The following UBXN7 variants were observed in gnomAD, a reference collection of about 807,000 sequenced individuals.
UBXN7 encodes UBX domain-containing protein 7.
A neutral mutation model predicts 58.0 loss-of-function variants in UBXN7; 9 were observed. That is an observed-to-expected ratio of 0.16 (90% CI 0.09 to 0.27). UBXN7 has a LOEUF of 0.27. Ranked by LOEUF, UBXN7 falls within the 10% of genes least tolerant of loss-of-function variation. The probability of loss-of-function intolerance (pLI) is 1.00; values close to 1 mark genes in which losing one functional copy is unlikely to be tolerated. For missense variants in UBXN7, 328 were observed against 599.6 expected, an observed-to-expected ratio of 0.55 and a Z score of 4.73; for synonymous variants, 208 against 205.0, an observed-to-expected ratio of 1.01 and a Z score of -0.12.
At chr3:196,358,949 C>A (rs1728430062) in intron 10 of UBXN7, among the ~76,000 whole-genome samples, 1 of 151,974 alleles carries the variant, frequency 6.6e-6, no homozygotes, top group Non-Finnish European at 1.5e-5. Context: ...GAGTGAGCCA[C>A]TGCACCTGGC....
chr3:196,416,437 A>T (rs969893759), intron 1 of UBXN7, among the ~76,000 whole-genome samples: 3 of 148,998 alleles, frequency 2.0e-5, no homozygotes, highest in African/African-American at 7.4e-5. Context: ...TCTCAAAAAT[A>T]AAAAAAAAAG....
At chr3:196,380,092 T>C (rs561395735) in intron 5 of UBXN7, among the ~76,000 whole-genome samples, 1 of 151,788 alleles carries the variant, frequency 6.6e-6, no homozygotes, top group Admixed American at 6.6e-5. Flanking sequence ...TATTAAAAAA[T>C]ACAAAAAATC....
chr3:196,356,507 G>C lies in UBXN7; in HGVS notation c.*178C>G. The C allele has an allele frequency of 4.8e-6, 3 of 625,888 alleles. No individual in the cohort carries two copies. Among genetic ancestry groups the C allele is most frequent in the East Asian group, 3.3e-5 (1 of 30,764 alleles). The allele number at this position is 625,888 out of a possible 1,614,324, so 38.8% of individuals were successfully genotyped here. On this transcript the variant is annotated 3_prime_UTR_variant, in exon 11 of 11. Transcript: ENST00000296328. ...GAGCGAGAAAACAGAAGAGGAGAAA[G>C]AAACAAAGGGGGAGAAAGAGACTGA...
intron 8 of UBXN7, among the ~76,000 whole-genome samples, chr3:196,366,063 C>CA (rs1728655941): frequency 6.6e-6 from 1 of 152,020 alleles, no homozygotes; most frequent in Non-Finnish European, 1.5e-5. Context: ...AAAATGCTCT[C>CA]AAAAAAACTA....
rs1553847953 is a variant in UBXN7, at chr3:196,353,484, C to CA, written c.*3200_*3201insT. On this transcript the variant is annotated 3_prime_UTR_variant, in exon 11 of 11. Coordinates refer to ENST00000296328, the MANE Select transcript of UBXN7 (RefSeq NM_015562.2). ...TTTTCCCACTAGTTTTCTTCTTCTT[C>CA]TTCTTTTTTTTTTTTAAATTTGAGA... 6.9e-6 allele frequency: 1 copy of CA among 145,858 alleles called. No homozygotes were observed. The highest frequency in any genetic ancestry group is 1.5e-5 in the Non-Finnish European group (1 of 66,302). 9.0% of individuals were successfully genotyped at this position (145,858 alleles called of 1,614,324 possible). A position where few individuals can be genotyped will look rare whatever the true frequency, so the allele number is the denominator to read the frequency against.
chr3:196,430,239 C>CAGCT (rs1730983850), intron 1 of UBXN7, among the ~76,000 whole-genome samples: 1 of 151,814 alleles, frequency 6.6e-6, no homozygotes, highest in African/African-American at 2.4e-5. Flanking sequence ...CTTGTAGTCC[C>CAGCT]AGCTACTCGG....
intron 10 of UBXN7, among the ~76,000 whole-genome samples, chr3:196,360,474 GTGT>G (rs1728478018): frequency 6.6e-6 from 1 of 152,116 alleles, no homozygotes; most frequent in Non-Finnish European, 1.5e-5. Flanking sequence ...TACTCTGTCT[GTGT>G]TCTGTAACTG....
chr3:196,401,800 G>GAAAGAAAGA (rs1729995947), intron 3 of UBXN7, among the ~76,000 whole-genome samples: 1 of 138,170 alleles, frequency 7.2e-6, no homozygotes, highest in Non-Finnish European at 1.6e-5. Flanking sequence ...GTAAAGAAAG[G>GAAAGAAAGA]AAAGAAAGAA....
intron 3 of UBXN7, among the ~76,000 whole-genome samples, chr3:196,401,767 TTAA>T (rs769662743): frequency 1.2e-5 from 1 of 82,032 alleles, no homozygotes; most frequent in Non-Finnish European, 2.6e-5. Flanking sequence ...CATCTCTATT[TTAA>T]AAAAAAAAAA....
At chr3:196,380,856 G>A (rs1466984327) in intron 5 of UBXN7, among the ~76,000 whole-genome samples, 2 of 152,230 alleles carry the variant, frequency 1.3e-5, no homozygotes, top group African/African-American at 2.4e-5. Flanking sequence ...CAGGTCCCAC[G>A]CCCATGGAGC....
intron 4 of UBXN7, among the ~76,000 whole-genome samples, chr3:196,393,130 A>G (rs1352702233): frequency 1.3e-5 from 2 of 152,244 alleles, no homozygotes; most frequent in East Asian, 1.9e-4. Flanking sequence ...AATATTTCAA[A>G]TAACTGTAGC....
intron 1 of UBXN7, chr3:196,431,887 G>A: frequency 2.8e-6 from 1 of 360,744 alleles, no homozygotes; most frequent in Non-Finnish European, 5.5e-6. Context: ...GGGGCAGAAT[G>A]ACCTGGCCGG....
In UBXN7 at chr3:196,370,397, G is replaced by A. The variant is rs773763615; in HGVS notation, c.616-886C>T. ...GCCTATAGGGGTTAGAGCCTGCAGT[G>A]AGCTATGACTGCACCACTGTGTTCC... On this transcript the variant is annotated intron_variant, in intron 6 of 10. Coordinates refer to ENST00000296328, the MANE Select transcript of UBXN7 (RefSeq NM_015562.2). Among the ~76,000 whole-genome samples, 10 of 151,078 alleles carry A rather than the reference G, an allele frequency of 6.6e-5. 1 individual carries two copies. The highest frequency in any genetic ancestry group is 1.5e-4 in the Non-Finnish European group (10 of 67,854).
chr3:196,417,835 G>C (rs1483537304), intron 1 of UBXN7, among the ~76,000 whole-genome samples: 4 of 150,846 alleles, frequency 2.7e-5, no homozygotes, highest in Non-Finnish European at 5.9e-5. Flanking sequence ...TGAGGTGGAA[G>C]GATTGCTTAA....
rs947783589 is a variant in UBXN7, at chr3:196,348,891, A to G, written c.*7794T>C. ...GCTGAGAGTTTCCAGGGAACAATCA[A>G]TACCTACTCGAAAAAGGACTTTCCT... On this transcript the variant is annotated 3_prime_UTR_variant, in exon 11 of 11. Transcript: ENST00000296328. 1 of 152,158 alleles carries G rather than the reference A, an allele frequency of 6.6e-6. No homozygotes were observed. Among genetic ancestry groups the G allele is most frequent in the African/African-American group, 2.4e-5 (1 of 41,362 alleles). 9.4% of individuals were successfully genotyped at this position (152,158 alleles called of 1,614,324 possible). A position where few individuals can be genotyped will look rare whatever the true frequency, so the allele number is the denominator to read the frequency against.
At chr3:196,392,659 C>T (rs1179558368) in intron 4 of UBXN7, among the ~76,000 whole-genome samples, 2 of 151,828 alleles carry the variant, frequency 1.3e-5, no homozygotes, top group Non-Finnish European at 2.9e-5. Flanking sequence ...AAAACTTAGC[C>T]GGGTGTGGTG....
At chr3:196,372,500 C>T (rs992481528) in intron 5 of UBXN7, among the ~76,000 whole-genome samples, 2 of 151,990 alleles carry the variant, frequency 1.3e-5, no homozygotes, top group Non-Finnish European at 2.9e-5. Context: ...CCCCAACACG[C>T]CTGGCTGATT....
chr3:196,368,445 T>G (rs56153162), intron 7 of UBXN7, among the ~76,000 whole-genome samples: 1 of 152,232 alleles, frequency 6.6e-6, no homozygotes, highest in Non-Finnish European at 1.5e-5. Context: ...TTTCAGCATA[T>G]GCATACATTA....
intron 5 of UBXN7, among the ~76,000 whole-genome samples, chr3:196,387,893 C>T (rs1729459446): frequency 2.0e-5 from 3 of 152,050 alleles, no homozygotes; most frequent in African/African-American, 7.2e-5. Context: ...GGCGATTCCT[C>T]AAGGATCTAG....
Sources: allele counts gnomAD v4.1 joint callset (sites outside exome capture counted in the v4.1 genomes callset), GRCh38; gene constraint gnomAD v4.1.1; transcripts MANE v1.5; gene names NCBI Gene and HGNC (gene_info 2026-07-23, HGNC 2026-07-21).